Variants in TBC1D9B observed in about 807,000 individuals in gnomAD.
The protein encoded by TBC1D9B is TBC1 domain family member 9B, also known as TBC1 domain family, member 9B (with GRAM domain).
TBC1D9B carries 87 observed loss-of-function variants against 121.1 expected under a neutral mutation model. That is an observed-to-expected ratio of 0.72 (90% confidence interval 0.60 to 0.86). The LOEUF is 0.86. TBC1D9B is among the 40% of genes least tolerant of loss of function. The pLI, the probability that TBC1D9B is intolerant of heterozygous loss-of-function variation, is 0.00. For synonymous variants in TBC1D9B, 668 were observed against 670.1 expected, an observed-to-expected ratio of 1.00 and a Z score of 0.05; for missense variants, 1,540 against 1,628.6, an observed-to-expected ratio of 0.95 and a Z score of 0.94.
chr5:179,892,837 G>T (rs1318452766), intron 5 of TBC1D9B, among the ~76,000 whole-genome samples: 1 of 152,182 alleles, frequency 6.6e-6, no homozygotes, highest in Non-Finnish European at 1.5e-5. Context: ...GGCTGAGGTG[G>T]CTACATCCTG....
rs1759980381 is a variant in TBC1D9B, at chr5:179,865,404, G to GGCT, written c.2915-47_2915-45dup. The stretch of plus-strand genomic sequence containing the variant: ...GAGATTAATCTTTGTCATGTGAGAC[G>GGCT]GCTGCGGGCTGACAGCAGGGAGAGG... On this transcript the variant is annotated intron_variant, in intron 19 of 20. Transcript: ENST00000355235. This position sits in a 1 kb window ranked among gnomAD's most constrained non-coding sequence, Gnocchi z 5.1. 6.4e-7 allele frequency: 1 copy of GGCT among 1,571,618 alleles called. No individual in the cohort carries two copies. Among genetic ancestry groups the GGCT allele is most frequent in the African/African-American group, 1.4e-5 (1 of 74,038 alleles).
At chr5:179,873,353 A>G (rs1270244017) in intron 12 of TBC1D9B, 105 bp from the exon 13 acceptor site, 3 of 1,432,784 alleles carry the variant, frequency 2.1e-6, no homozygotes, top group African/African-American at 2.9e-5. Context: ...CAGACTCCTA[A>G]TAAGGAGTGT....
rs150849992 is a variant in TBC1D9B, at chr5:179,869,198, C to T, written c.2791+571G>A. On this transcript the variant is annotated intron_variant, in intron 17 of 20. Transcript: ENST00000355235. ...AGCAGAGTGCCCAGCCCAGGATTTC[C>T]ACCTGCCTGCGCCTTTGTTTCCTTC... 2.0e-3 allele frequency: 421 copies of T among 215,810 alleles called. 1 individual carries two copies. Among genetic ancestry groups the T allele is most frequent in the African/African-American group, 9.0e-3 (391 of 43,410 alleles). 13.4% of individuals were successfully genotyped at this position (215,810 alleles called of 1,614,324 possible).
chr5:179,863,265 G>C lies in TBC1D9B; in HGVS notation c.*183C>G. ...AAGCAGCCGGCGCCAGGAGATGCAGGCCCAGGGAATCTGTCTAAGGCAGCT... is the reference window on the plus strand; with the variant it reads ...AAGCAGCCGGCGCCAGGAGATGCAGCCCCAGGGAATCTGTCTAAGGCAGCT... On this transcript the variant is annotated 3_prime_UTR_variant, in exon 21 of 21. Coordinates refer to ENST00000355235, the MANE Select transcript of TBC1D9B (RefSeq NM_015043.4). The surrounding 1 kb of genome is among the most constrained non-coding windows in gnomAD (Gnocchi z 4.5). The C allele has an allele frequency of 1.5e-6, 1 of 673,510 alleles. No individual in the cohort carries two copies. The highest frequency in any genetic ancestry group is 2.9e-5 in the East Asian group (1 of 34,966). 41.7% of individuals were successfully genotyped at this position (673,510 alleles called of 1,614,324 possible).
intron 13 of TBC1D9B, 40 bp downstream of exon 13, chr5:179,873,079 A>G (rs1179260339): frequency 6.2e-7 from 1 of 1,612,102 alleles, no homozygotes; most frequent in Admixed American, 1.7e-5. Context: ...CACATGCCAG[A>G]TGGAGCGGCC....
In TBC1D9B at chr5:179,904,288, G is replaced by A. The variant is rs890277303; in HGVS notation, c.229+414C>T. Among the ~76,000 whole-genome samples the A allele has an allele frequency of 3.4e-5, 5 of 146,724 alleles. No individual in the cohort carries two copies. Among genetic ancestry groups the A allele is most frequent in the Admixed American group, 6.9e-5 (1 of 14,584 alleles). On this transcript the variant is annotated intron_variant, in intron 2 of 20. Coordinates refer to ENST00000355235, the MANE Select transcript of TBC1D9B (RefSeq NM_015043.4). The surrounding 1 kb of genome is among the most constrained non-coding windows in gnomAD (Gnocchi z 4.2). ...CGCCCAGGCTGGAGTGCAGTGGCGC[G>A]ATCTCGGCTCACTGCAAGCTCCGCC...
In TBC1D9B at chr5:179,872,998, G is replaced by C. The variant is rs958694551; in HGVS notation, c.2317-8C>G. On this transcript the variant is annotated splice_polypyrimidine_tract_variant and splice_region_variant and intron_variant, in intron 13 of 20. Coordinates refer to ENST00000355235, the MANE Select transcript of TBC1D9B (RefSeq NM_015043.4). ...CCTCAGGCTGCTGAATTTCTATAGG[G>C]AGAGGTGACTTGGTGAGATCAAGCC... 1 of 1,613,904 alleles carries C rather than the reference G, an allele frequency of 6.2e-7. No individual in the cohort carries two copies. Among genetic ancestry groups the C allele is most frequent in the African/African-American group, 1.3e-5 (1 of 74,932 alleles).
chr5:179,879,188 TCTC>T lies in TBC1D9B; in HGVS notation c.1423_1425del (p.Glu475del), dbSNP rs1760457425. ...ATGTGCCATGACTCCTCTTTCATCT[TCTC>T]CTTGGCCTGAGGGAAAAGCGCATCA... is the stretch of plus-strand genomic sequence containing the variant. On this transcript the variant is annotated inframe_deletion, in exon 9 of 21. Coordinates refer to ENST00000355235, the MANE Select transcript of TBC1D9B (RefSeq NM_015043.4). The T allele has an allele frequency of 6.2e-7, 1 of 1,601,090 alleles. No individual in the cohort carries two copies. Among genetic ancestry groups the T allele is most frequent in the South Asian group, 1.1e-5 (1 of 90,406 alleles).
chr5:179,894,680 G>T, intron 3 of TBC1D9B, 66 bp from the exon 4 acceptor site: 1 of 1,555,160 alleles, frequency 6.4e-7, no homozygotes, highest in Non-Finnish European at 8.8e-7. Context: ...GGGTGGAGCA[G>T]AGAGGCCCAG....
Position 179,872,985 on chromosome 5 carries a change from G to A in TBC1D9B, c.2322C>T (p.Phe774=), listed in dbSNP as rs567057392. The change falls in exon 14 of 21, where the codon TTC becomes TTT. Residue 774 remains phenylalanine (F), a synonymous_variant. Transcript: ENST00000355235. ...FELLKVSYEK[F]SSLRAEDIEQ... ...CAATGTCTTCGGCCCTCAGGCTGCT[G>A]AATTTCTATAGGGAGAGGTGACTTG... The A allele has an allele frequency of 1.2e-6, 2 of 1,614,052 alleles. No individual in the cohort carries two copies. The highest frequency in any genetic ancestry group is 3.3e-5 in the Admixed American group (2 of 60,020).
intron 9 of TBC1D9B, 71 bp downstream of exon 9, chr5:179,878,976 C>G: frequency 1.3e-6 from 2 of 1,552,532 alleles, no homozygotes; most frequent in Non-Finnish European, 1.7e-6. Context: ...TCAGGACAGA[C>G]GAGCTCACAC....
intron 8 of TBC1D9B, 82 bp downstream of exon 8, chr5:179,879,546 C>G: frequency 1.9e-6 from 3 of 1,601,638 alleles, no homozygotes; most frequent in Non-Finnish European, 2.6e-6. Flanking sequence ...TGAGGGAAGG[C>G]CCAGGCCCAG....
In TBC1D9B at chr5:179,880,303, G is replaced by A. The variant is rs546539849; in HGVS notation, c.1255-514C>T. 3.9e-5 allele frequency among the ~76,000 whole-genome samples: 6 copies of A among 152,362 alleles called. No individual in the cohort carries two copies. The South Asian group carries it at 1.2e-3, about 32-fold the overall frequency. On this transcript the variant is annotated intron_variant, in intron 7 of 20. Coordinates refer to ENST00000355235, the MANE Select transcript of TBC1D9B (RefSeq NM_015043.4). ...TGGGATAACCCAGGGAGCATGCAAG[G>A]CCTGCTGCTGCCATCATGGTGCCAC... is the stretch of plus-strand genomic sequence containing the variant.
chr5:179,887,794 C>T (rs1760732869), intron 7 of TBC1D9B: 1 of 451,566 alleles, frequency 2.2e-6, no homozygotes, highest in South Asian at 2.5e-5. Context: ...AGTGTACAGG[C>T]CTCCACAGTG....
rs909623992 is a variant in TBC1D9B at position 179,870,429 on chromosome 5, G to C, written c.2551C>G (p.Leu851Val). Reference sequence around the variant, plus strand: ...ATCCGGTACTGCTCCAGGTAGGGCAGGCTGGGGTCCCGACGGCCGGCCATT... The same window carrying C: ...ATCCGGTACTGCTCCAGGTAGGGCACGCTGGGGTCCCGACGGCCGGCCATT... ...RTMAGRRDPS[L>V]PYLEQYRIDA... The change falls in exon 16 of 21, where the codon CTG becomes GTG. Residue 851 changes from leucine (L) to valine (V), a missense_variant. Leu to Val is a conservative substitution (Grantham distance 32). Coordinates refer to ENST00000355235, the MANE Select transcript of TBC1D9B (RefSeq NM_015043.4). 6.8e-6 allele frequency: 11 copies of C among 1,613,388 alleles called. No individual in the cohort carries two copies. The African/African-American group carries it at 9.3e-5, about 14-fold the overall frequency.
At chr5:179,864,818 T>G (rs1416892784) in intron 20 of TBC1D9B, among the ~76,000 whole-genome samples, 1 of 152,198 alleles carries the variant, frequency 6.6e-6, no homozygotes, top group Non-Finnish European at 1.5e-5. Context: ...ACGCTTGCAG[T>G]TTGGAGCTGG....
In TBC1D9B at chr5:179,863,580, G is replaced by C; in HGVS notation, c.3570C>G (p.Ile1190Met). Residue 1190 changes from isoleucine (I) to methionine (M), a missense_variant, in exon 21 of 21, where the codon ATC becomes ATG. By Grantham distance (10) the Ile-to-Met change is conservative. Coordinates refer to ENST00000355235, the MANE Select transcript of TBC1D9B (RefSeq NM_015043.4). The surrounding 1 kb of genome is among the most constrained non-coding windows in gnomAD (Gnocchi z 4.5). ...CISFEQILAS[I>M]LTESVLVNFF... ...AGTTCACCAGCACGGACTCCGTCAG[G>C]ATGGAGGCCAGGATCTGCTCAAAGG... The C allele has an allele frequency of 6.2e-7, 1 of 1,614,162 alleles. No individual in the cohort carries two copies. Among genetic ancestry groups the C allele is most frequent in the Non-Finnish European group, 8.5e-7 (1 of 1,180,042 alleles).
intron 3 of TBC1D9B, among the ~76,000 whole-genome samples, 162 bp from the exon 4 acceptor site, chr5:179,894,776 C>G (rs187644382): frequency 6.6e-6 from 1 of 152,322 alleles, no homozygotes; most frequent in Middle Eastern, 3.4e-3. Context: ...GCAGTCAAGG[C>G]ACATGGATGA....
chr5:179,880,930 C>G (rs10070019), intron 7 of TBC1D9B, among the ~76,000 whole-genome samples: 1 of 152,176 alleles, frequency 6.6e-6, no homozygotes, highest in African/African-American at 2.4e-5. Context: ...TGAGCTCCCC[C>G]AGAGGGACCG....
Sources: allele counts gnomAD v4.1 joint callset (sites outside exome capture counted in the v4.1 genomes callset), GRCh38; gene constraint gnomAD v4.1.1; non-coding constraint Gnocchi (gnomAD v3.1); transcripts MANE v1.5; gene names NCBI Gene and HGNC (gene_info 2026-07-23, HGNC 2026-07-21).